The following COL13A1 variants were observed in gnomAD, a reference collection of about 807,000 sequenced individuals.
COL13A1 encodes collagen alpha-1(XIII) chain.
COL13A1 carries 89 observed loss-of-function variants against 130.9 expected under a neutral mutation model. That is an observed-to-expected ratio of 0.68 (90% CI 0.57 to 0.81). The LOEUF is 0.81. Ranked by LOEUF, COL13A1 falls within the 30% of genes least tolerant of loss-of-function variation. COL13A1 has a pLI of 0.00. For synonymous variants in COL13A1, 402 were observed against 341.6 expected, an observed-to-expected ratio of 1.18 and a Z score of -1.95; for missense variants, 879 against 934.6, an observed-to-expected ratio of 0.94 and a Z score of 0.78.
At chr10:69,922,643 C>T in intron 22 of COL13A1, 65 bp from the exon 23 acceptor site, 2 of 1,221,284 alleles carry the variant, frequency 1.6e-6, no homozygotes, top group Non-Finnish European at 2.3e-6. Context: ...CCCATAGTGT[C>T]CCTCCAGTGC....
At chr10:69,840,462 G>A (rs1031639022) in intron 2 of COL13A1, among the ~76,000 whole-genome samples, 3 of 152,188 alleles carry the variant, frequency 2.0e-5, no homozygotes, top group African/African-American at 7.2e-5. Context: ...AGAGCCTGTG[G>A]CCTGTCTGCC....
At chr10:69,913,772 A>G (rs1417702893) in intron 17 of COL13A1, among the ~76,000 whole-genome samples, 5 of 147,024 alleles carry the variant, frequency 3.4e-5, no homozygotes, top group Admixed American at 3.4e-4. Flanking sequence ...GACAAGCCCC[A>G]GGGAGTGAGC....
intron 17 of COL13A1, among the ~76,000 whole-genome samples, chr10:69,912,310 C>T (rs562075067): frequency 6.6e-6 from 1 of 152,216 alleles, no homozygotes; most frequent in African/African-American, 2.4e-5. Context: ...CCGGTAATTC[C>T]CCGGATCACT....
intron 1 of COL13A1, among the ~76,000 whole-genome samples, chr10:69,804,788 G>A (rs1368695417): frequency 9.3e-6 from 1 of 107,902 alleles, no homozygotes; most frequent in African/African-American, 3.7e-5. Flanking sequence ...AGAAGAAAAT[G>A]GGCAGTGACC....
chr10:69,837,640 C>CTCCTCACT (rs1176964794), intron 2 of COL13A1, among the ~76,000 whole-genome samples: 1 of 152,246 alleles, frequency 6.6e-6, no homozygotes, highest in Non-Finnish European at 1.5e-5. Context: ...ACTGCCTCTT[C>CTCCTCACT]TCCTCACTTC....
In COL13A1 at chr10:69,958,796, G is replaced by A. The variant is rs2071307459; in HGVS notation, c.*95G>A. On this transcript the variant is annotated 3_prime_UTR_variant, in exon 41 of 41. Coordinates refer to ENST00000645393, the MANE Select transcript of COL13A1 (RefSeq NM_001368882.1). ...TTTTTGAAAATGCCAGAAGTATGAT[G>A]CATCTTACAGATTATTAAAAAAGAA... 2 of 1,499,818 alleles carry A rather than the reference G, an allele frequency of 1.3e-6. No individual in the cohort carries two copies. The highest frequency in any genetic ancestry group is 9.1e-7 in the Non-Finnish European group (1 of 1,098,542). 92.9% of individuals were successfully genotyped at this position (1,499,818 alleles called of 1,614,324 possible). A position where few individuals can be genotyped will look rare whatever the true frequency, so the allele number is the denominator to read the frequency against.
chr10:69,930,531 G>A lies in COL13A1; in HGVS notation c.1662G>A (p.Glu554=), dbSNP rs1213368922. 1 of 1,613,768 alleles carries A rather than the reference G, an allele frequency of 6.2e-7. No individual in the cohort carries two copies. The highest frequency in any genetic ancestry group is 1.1e-5 in the South Asian group (1 of 91,046). Residue 554 remains glutamate (E), a synonymous_variant, in exon 30 of 41, where the codon GAG becomes GAA. Coordinates refer to ENST00000645393, the MANE Select transcript of COL13A1 (RefSeq NM_001368882.1). The stretch of plus-strand genomic sequence containing the variant: ...CAGGAGAGAAGGGGGAAAAAGGGGA[G>A]ACAGGACAAGCAGGCTCACCGGTGA... ...GSPGEKGEKG[E]TGQAGSPGEK...
At chr10:69,872,117 G>A in intron 3 of COL13A1, 67 bp from the exon 4 acceptor site, 1 of 1,590,354 alleles carries the variant, frequency 6.3e-7, no homozygotes, top group Non-Finnish European at 8.6e-7. Context: ...AGCTGGTTGA[G>A]ACAGTGTTCA....
At chr10:69,932,115 G>A (rs976381867) in intron 30 of COL13A1, among the ~76,000 whole-genome samples, 1 of 152,158 alleles carries the variant, frequency 6.6e-6, no homozygotes, top group Middle Eastern at 3.4e-3. Context: ...AAGGCCAGCA[G>A]TAGGGTCTCT....
intron 10 of COL13A1, among the ~76,000 whole-genome samples, chr10:69,892,478 G>T (rs1211078143): frequency 6.6e-6 from 1 of 152,200 alleles, no homozygotes; most frequent in Non-Finnish European, 1.5e-5. Context: ...AAGATTGGGG[G>T]TCTGAGACTC....
At chr10:69,951,352 A>C (rs2069535642) in intron 38 of COL13A1, among the ~76,000 whole-genome samples, 1 of 152,194 alleles carries the variant, frequency 6.6e-6, no homozygotes, top group African/African-American at 2.4e-5. Context: ...TTTAATGTGC[A>C]CAAAGAACTC....
At chr10:69,897,124 C>A (rs931364208) in intron 13 of COL13A1, among the ~76,000 whole-genome samples, 1 of 152,026 alleles carries the variant, frequency 6.6e-6, no homozygotes, top group Non-Finnish European at 1.5e-5. Flanking sequence ...CCACAGGGTG[C>A]AGTGAAGCCT....
chr10:69,885,172 C>T (rs185726395), intron 7 of COL13A1, among the ~76,000 whole-genome samples: 1 of 152,042 alleles, frequency 6.6e-6, no homozygotes, highest in Admixed American at 6.6e-5. Context: ...GACACAAAAC[C>T]CAAAAGCCAT....
chr10:69,917,247 G>A lies in COL13A1; in HGVS notation c.922-42G>A, dbSNP rs780019227. The A allele has an allele frequency of 6.6e-5, 106 of 1,611,442 alleles. No individual in the cohort carries two copies. In the South Asian group the frequency reaches 8.1e-4, roughly 12 times the overall value. On this transcript the variant is annotated intron_variant, in intron 17 of 40. Coordinates refer to ENST00000645393, the MANE Select transcript of COL13A1 (RefSeq NM_001368882.1). ...ACATCCTTGCAGGCTGACAGGCCCC[G>A]AGTCTGGTCCTCTCCTCATGCTTTC...
chr10:69,906,641 A>C (rs1462598438), intron 17 of COL13A1, among the ~76,000 whole-genome samples: 1 of 152,122 alleles, frequency 6.6e-6, no homozygotes, highest in African/African-American at 2.4e-5. Context: ...AAGTCATGTG[A>C]GTCAGTGTGG....
intron 2 of COL13A1, among the ~76,000 whole-genome samples, chr10:69,847,780 CTCTT>C (rs776152695): frequency 1.4e-4 from 22 of 152,222 alleles, no homozygotes; most frequent in Non-Finnish European, 3.2e-4. Flanking sequence ...CTGATTCACT[CTCTT>C]TCTCCTTTCC....
chr10:69,880,549 C>A lies in COL13A1; in HGVS notation c.509C>A (p.Pro170His), dbSNP rs1377669482. 1.9e-6 allele frequency: 3 copies of A among 1,613,298 alleles called. No homozygotes were observed. Among genetic ancestry groups the A allele is most frequent in the Non-Finnish European group, 2.5e-6 (3 of 1,179,794 alleles). Residue 170 changes from proline to histidine, a missense_variant, in exon 7 of 41, where the codon CCC becomes CAC. By Grantham distance (77) the Pro-to-His change is moderately conservative. Transcript: ENST00000645393. ...AGLSIIGPRG[P>H]PGQPGTRGFP... ...CTGTCCATCATTGGTCCCCGCGGCC[C>A]CCCTGTAAGTTGTTTTTGCTCTTCC... is the stretch of plus-strand genomic sequence containing the variant.
intron 1 of COL13A1, among the ~76,000 whole-genome samples, chr10:69,817,715 G>T (rs937150824): frequency 1.3e-5 from 2 of 151,926 alleles, no homozygotes; most frequent in African/African-American, 2.4e-5. Context: ...GATAATCACT[G>T]GCCACAGAAT....
intron 18 of COL13A1, among the ~76,000 whole-genome samples, chr10:69,917,969 G>A (rs577067806): frequency 5.6e-4 from 85 of 151,758 alleles, no homozygotes; most frequent in African/African-American, 1.9e-3. Flanking sequence ...TCCACCCCAG[G>A]GACCCCCTCC....
Sources: gnomAD v4.1 joint callset for allele counts (sites outside exome capture counted in the v4.1 genomes callset) on GRCh38, gnomAD v4.1.1 for gene constraint, MANE v1.5 for transcripts, NCBI Gene and HGNC (gene_info 2026-07-23, HGNC 2026-07-21) for gene names.